HNF4G: variants seen among roughly 807,000 people sequenced by gnomAD.
HNF4G encodes the protein hepatocyte nuclear factor 4-gamma.
HNF4G carries 21 observed loss-of-function variants against 50.9 expected under a neutral mutation model. The ratio of observed to expected loss-of-function variants is 0.41; its 90% CI spans 0.29 to 0.59. The LOEUF (loss-of-function observed/expected upper bound fraction) is 0.59. HNF4G is among the 20% of genes least tolerant of loss of function. The pLI, the probability that HNF4G is intolerant of heterozygous loss-of-function variation, is 0.26. For synonymous variants in HNF4G, 198 were observed against 185.6 expected (o/e 1.07, Z -0.54); for missense variants, 527 against 559.4 (o/e 0.94, Z 0.58).
chr8:75,460,295 G>C (rs944097278), intron 1 of HNF4G, among the ~76,000 whole-genome samples: 1 of 152,094 alleles, frequency 6.6e-6, no homozygotes, highest in Non-Finnish European at 1.5e-5. Context: ...TGACATTTAT[G>C]TACTAAATAC....
At chr8:75,549,329 A>G (rs1421102310) in intron 3 of HNF4G, among the ~76,000 whole-genome samples, 1 of 152,186 alleles carries the variant, frequency 6.6e-6, no homozygotes, top group Non-Finnish European at 1.5e-5. Flanking sequence ...TGTTTACAAT[A>G]TCTTTTAGCA....
At chr8:75,488,862 G>C (rs1043461776) in intron 1 of HNF4G, among the ~76,000 whole-genome samples, 1 of 152,036 alleles carries the variant, frequency 6.6e-6, no homozygotes, top group Non-Finnish European at 1.5e-5. Flanking sequence ...TCCTCGGTTT[G>C]GTCAGAAAAG....
intron 2 of HNF4G, among the ~76,000 whole-genome samples, chr8:75,504,368 A>C (rs1225069873): frequency 6.6e-6 from 1 of 152,160 alleles, no homozygotes; most frequent in Non-Finnish European, 1.5e-5. Context: ...TCTCCCTTTA[A>C]AATATCAAAG....
At chr8:75,451,837 T>TTTTATGGC (rs1424079600) in intron 1 of HNF4G, among the ~76,000 whole-genome samples, 1 of 152,196 alleles carries the variant, frequency 6.6e-6, no homozygotes, top group Non-Finnish European at 1.5e-5. Flanking sequence ...AATTTGGTAG[T>TTTTATGGC]TTTATGGCTT....
At chr8:75,468,932 A>AG (rs201458066) in intron 1 of HNF4G, among the ~76,000 whole-genome samples, 4 of 103,730 alleles carry the variant, frequency 3.9e-5, no homozygotes, top group Admixed American at 1.7e-4. Context: ...AGGTTAAGAG[A>AG]AAAAAAAAAA....
rs1810513356 is a variant in HNF4G at position 75,411,921 on chromosome 8, A to G, written c.-144+3759A>G. ...ATATGCTAATCCATGGGAAACATTT[A>G]GAACAGTGCCTGGCACATTGAGTAC... On this transcript the variant is annotated intron_variant, in intron 1 of 10. Transcript: ENST00000354370. Among the ~76,000 whole-genome samples the G allele has an allele frequency of 2.0e-5, 3 of 152,216 alleles. No homozygotes were observed. In the South Asian group the frequency reaches 6.2e-4, roughly 31 times the overall value.
At chr8:75,536,458 T>A (rs1563545296), upstream of HNF4G, among the ~76,000 whole-genome samples, 6 of 152,156 alleles carry the variant, frequency 3.9e-5, no homozygotes, top group South Asian at 1.2e-3. Context: ...GTTTTATTTT[T>A]AACTACTTAA....
In HNF4G at chr8:75,529,785, T is replaced by C. The variant is rs932693731; in HGVS notation, c.-23-14026T>C. On this transcript the variant is annotated intron_variant, in intron 2 of 10. Transcript: ENST00000354370. ...TATTTAGGCATACTCAGGACTCCTG[T>C]TGTATTTTTTAAGATTTTGAATTTG... Among the ~76,000 whole-genome samples the C allele has an allele frequency of 3.9e-5, 6 of 152,304 alleles. No homozygotes were observed. In the East Asian group the frequency reaches 7.7e-4, roughly 20 times the overall value.
At chr8:75,452,752 T>G (rs1458215742) in intron 1 of HNF4G, among the ~76,000 whole-genome samples, 1 of 151,896 alleles carries the variant, frequency 6.6e-6, no homozygotes, top group African/African-American at 2.4e-5. Context: ...GACTAATGTA[T>G]GCAATTAGTA....
chr8:75,514,796 T>C (rs1805849207), intron 2 of HNF4G, among the ~76,000 whole-genome samples: 1 of 152,198 alleles, frequency 6.6e-6, no homozygotes, highest in South Asian at 2.1e-4. Flanking sequence ...ATATGTGTCA[T>C]TTTATTTTAT....
At chr8:75,520,128 T>C (rs942649142) in intron 2 of HNF4G, among the ~76,000 whole-genome samples, 1 of 152,154 alleles carries the variant, frequency 6.6e-6, no homozygotes, top group African/African-American at 2.4e-5. Context: ...TTTTGTTGAA[T>C]AAATGAATTA....
chr8:75,556,931 GTAC>G (rs1807146261), intron 6 of HNF4G, among the ~76,000 whole-genome samples: 2 of 152,126 alleles, frequency 1.3e-5, no homozygotes, highest in Admixed American at 6.6e-5. Context: ...TAAGGGATTA[GTAC>G]TACTATTTTC....
chr8:75,472,222 T>C (rs1563519740), intron 1 of HNF4G, among the ~76,000 whole-genome samples: 2 of 152,214 alleles, frequency 1.3e-5, no homozygotes. Flanking sequence ...AAGAACGTGA[T>C]TGGAGAATCT....
chr8:75,535,863 T>C (rs1226446825), upstream of HNF4G, among the ~76,000 whole-genome samples: 1 of 151,952 alleles, frequency 6.6e-6, no homozygotes, highest in Admixed American at 6.6e-5. Context: ...GAAATGTTTC[T>C]GCTATTATCT....
intron 7 of HNF4G, 45 bp downstream of exon 7, chr8:75,558,715 G>A: frequency 6.3e-7 from 1 of 1,585,340 alleles, no homozygotes; most frequent in Non-Finnish European, 8.6e-7. Flanking sequence ...AATAAAAATT[G>A]AACTACTTTT....
At chr8:75,546,401 T>C (rs1164847938) in intron 2 of HNF4G, among the ~76,000 whole-genome samples, 2 of 152,108 alleles carry the variant, frequency 1.3e-5, no homozygotes, top group African/African-American at 4.8e-5. Context: ...TTTGGTTAAG[T>C]ATACAAGTCA....
At chr8:75,507,260 T>A (rs1185191386) in intron 2 of HNF4G, among the ~76,000 whole-genome samples, 5 of 142,410 alleles carry the variant, frequency 3.5e-5, no homozygotes, top group Non-Finnish European at 7.8e-5. Flanking sequence ...CTTTTAAAAT[T>A]CTTTTTTTTT....
At chr8:75,561,054 G>A (rs1017563789) in intron 9 of HNF4G, among the ~76,000 whole-genome samples, 1 of 151,448 alleles carries the variant, frequency 6.6e-6, no homozygotes, top group Non-Finnish European at 1.5e-5. Context: ...ACTTACATTA[G>A]GAAGTGAGGA....
chr8:75,431,932 A>G (rs1811026098), intron 1 of HNF4G, among the ~76,000 whole-genome samples: 1 of 151,924 alleles, frequency 6.6e-6, no homozygotes. Flanking sequence ...ATCTCAAAAA[A>G]AAAAACAAAA....
Sources: gnomAD v4.1 joint callset for allele counts (sites outside exome capture counted in the v4.1 genomes callset) on GRCh38, gnomAD v4.1.1 for gene constraint, MANE v1.5 for transcripts, NCBI Gene and HGNC (gene_info 2026-07-23, HGNC 2026-07-21) for gene names.